ADTRP: variants seen among roughly 807,000 people sequenced by gnomAD.
The protein encoded by ADTRP is androgen dependent TFPI regulating protein, also known as androgen-dependent TFPI-regulating protein.
A neutral mutation model predicts 27.0 loss-of-function variants in ADTRP; 20 were observed. The ratio of observed to expected loss-of-function variants is 0.74; its 90% CI spans 0.52 to 1.08. ADTRP has a LOEUF of 1.08. ADTRP is among the 50% of genes least tolerant of loss of function. The pLI is 0.00. For synonymous variants in ADTRP, 101 were observed against 105.2 expected, an observed-to-expected ratio of 0.96 and a Z score of 0.25; for missense variants, 251 against 275.0, an observed-to-expected ratio of 0.91 and a Z score of 0.62.
At chr6:11,729,168 C>T (rs1377013576) in intron 4 of ADTRP, among the ~76,000 whole-genome samples, 1 of 152,154 alleles carries the variant, frequency 6.6e-6, no homozygotes, top group African/African-American at 2.4e-5. Flanking sequence ...GTTTTGTGGG[C>T]TTTGGGCATA....
At chr6:11,727,253 C>T (rs1347208423) in intron 4 of ADTRP, among the ~76,000 whole-genome samples, 1 of 152,162 alleles carries the variant, frequency 6.6e-6, no homozygotes, top group East Asian at 1.9e-4. Context: ...AACTCCTGAC[C>T]TTGTGATCCG....
intron 4 of ADTRP, among the ~76,000 whole-genome samples, chr6:11,724,805 C>T (rs1037770694): frequency 9.2e-5 from 14 of 152,124 alleles, no homozygotes; most frequent in South Asian, 6.2e-4. Flanking sequence ...GTAAAGATTA[C>T]GGGAGTTAAC....
intron 5 of ADTRP, among the ~76,000 whole-genome samples, chr6:11,723,022 A>C (rs210906): frequency 0.7 from 106,739 of 152,088 alleles, 38,001 homozygotes; most frequent in Non-Finnish European, 0.77. Flanking sequence ...CCCTGATTTT[A>C]TTTATTCATG....
chr6:11,715,648 CTT>C (rs55815652), intron 5 of ADTRP, among the ~76,000 whole-genome samples: 8,448 of 120,400 alleles, frequency 0.07, 155 homozygotes, highest in Non-Finnish European at 0.093. Flanking sequence ...CTGTTTTTCC[CTT>C]TTTTTTTTTT....
At chr6:11,774,626 G>T (rs9380521) in intron 1 of ADTRP, among the ~76,000 whole-genome samples, 1 of 152,040 alleles carries the variant, frequency 6.6e-6, no homozygotes, top group East Asian at 1.9e-4. Flanking sequence ...TTGTTGAAGG[G>T]GGTGTCAGGG....
intron 4 of ADTRP, among the ~76,000 whole-genome samples, chr6:11,723,727 A>C (rs1762091801): frequency 6.6e-6 from 1 of 152,102 alleles, no homozygotes. Flanking sequence ...GGGCTGTTTT[A>C]CCTAATCCAC....
chr6:11,732,942 T>C (rs1027151259), intron 4 of ADTRP, among the ~76,000 whole-genome samples: 5 of 152,224 alleles, frequency 3.3e-5, no homozygotes, highest in Non-Finnish European at 5.9e-5. Flanking sequence ...TACCTGGCCA[T>C]GTAAACACAG....
At chr6:11,733,200 G>A (rs1762442516) in intron 4 of ADTRP, among the ~76,000 whole-genome samples, 1 of 152,216 alleles carries the variant, frequency 6.6e-6, no homozygotes, top group South Asian at 2.1e-4. Context: ...TACCAGCAAT[G>A]CCACCAACTG....
At chr6:11,732,657 A>G (rs542070430) in intron 4 of ADTRP, among the ~76,000 whole-genome samples, 1 of 152,278 alleles carries the variant, frequency 6.6e-6, no homozygotes, top group Non-Finnish European at 1.5e-5. Flanking sequence ...TGGACCAAAT[A>G]CCAACTTAGC....
intron 3 of ADTRP, among the ~76,000 whole-genome samples, chr6:11,745,992 T>C (rs1762855115): frequency 6.6e-6 from 1 of 152,192 alleles, no homozygotes; most frequent in African/African-American, 2.4e-5. Context: ...GGTTTCACCA[T>C]GTTGGCCAGG....
At chr6:11,753,069 G>A (rs1405203757) in intron 3 of ADTRP, among the ~76,000 whole-genome samples, 1 of 152,198 alleles carries the variant, frequency 6.6e-6, no homozygotes, top group Admixed American at 6.5e-5. Flanking sequence ...AAAGCACACA[G>A]CAAGGCAATG....
At chr6:11,766,869 C>T (rs2113334542) in intron 2 of ADTRP, among the ~76,000 whole-genome samples, 1 of 152,332 alleles carries the variant, frequency 6.6e-6, no homozygotes, top group Admixed American at 6.5e-5. Context: ...TGACTGAGGG[C>T]TGGATCTCCC....
At chr6:11,723,081 G>T (rs1219783574) in intron 5 of ADTRP, among the ~76,000 whole-genome samples, 1 of 152,188 alleles carries the variant, frequency 6.6e-6, no homozygotes, top group African/African-American at 2.4e-5. Flanking sequence ...TTCTAAAGAA[G>T]ATTATTTTTA....
At chr6:11,717,036 G>A (rs535930558) in intron 5 of ADTRP, 1 of 271,052 alleles carries the variant, frequency 3.7e-6, no homozygotes, top group South Asian at 3.9e-5. Context: ...TTCTGACCAT[G>A]TTTCTATAAC....
At chr6:11,742,014 C>A (rs1444927130) in intron 3 of ADTRP, among the ~76,000 whole-genome samples, 1 of 125,304 alleles carries the variant, frequency 8.0e-6, no homozygotes, top group Non-Finnish European at 2.0e-5. Context: ...ATTTTGGTAC[C>A]TACAATCACT....
chr6:11,761,134 T>C (rs1216354396), intron 3 of ADTRP, among the ~76,000 whole-genome samples: 2 of 152,226 alleles, frequency 1.3e-5, no homozygotes, highest in Non-Finnish European at 2.9e-5. Context: ...TCTGCCAGAA[T>C]GTCCTGTGGC....
intron 2 of ADTRP, among the ~76,000 whole-genome samples, chr6:11,766,927 C>T (rs748292204): frequency 2.6e-5 from 4 of 152,222 alleles, no homozygotes; most frequent in Non-Finnish European, 5.9e-5. Flanking sequence ...CCTTGCCTCT[C>T]TTGTCAAAGC....
intron 3 of ADTRP, among the ~76,000 whole-genome samples, chr6:11,742,678 C>T (rs1762755476): frequency 6.6e-6 from 1 of 152,192 alleles, no homozygotes. Context: ...ACAGTGTCCC[C>T]ATAACAAACA....
In ADTRP at chr6:11,721,765, A is replaced by G. The variant is rs138376403; in HGVS notation, c.658+1584T>C. ...TGTTTATTGAGACCTAATTATAGTT[A>G]AAAATTGGATGCAGTACTTAAACAA... On this transcript the variant is annotated intron_variant, in intron 5 of 5. Coordinates refer to ENST00000414691, the MANE Select transcript of ADTRP (RefSeq NM_032744.4). Among the ~76,000 whole-genome samples the G allele has an allele frequency of 3.6e-3, 543 of 152,310 alleles. 4 individuals are homozygous for G. The highest frequency in any genetic ancestry group is 0.012 in the African/African-American group (519 of 41,568).
Sources: gnomAD v4.1 joint callset for allele counts (sites outside exome capture counted in the v4.1 genomes callset) on GRCh38, gnomAD v4.1.1 for gene constraint, MANE v1.5 for transcripts, NCBI Gene and HGNC (gene_info 2026-07-23, HGNC 2026-07-21) for gene names.